The following EDIL3 variants were observed in gnomAD, a reference collection of about 807,000 sequenced individuals.
EDIL3 encodes EGF like and discoidin domains 3.
Under a neutral mutation model 67.4 loss-of-function variants are expected in EDIL3, and 37 were observed. The observed-to-expected ratio is 0.55, with a 90% CI of 0.42 to 0.72. EDIL3 has a LOEUF of 0.72. Among genes scored for constraint, EDIL3 ranks in the 30% least tolerant of loss-of-function variants. The pLI is 0.00. For missense variants in EDIL3, 527 were observed against 586.3 expected, an observed-to-expected ratio of 0.90 and a Z score of 1.04; for synonymous variants, 195 against 196.3, an observed-to-expected ratio of 0.99 and a Z score of 0.05.
rs1422775639 is a variant in EDIL3, at chr5:84,152,408, C to T, written c.356-15054G>A. The stretch of plus-strand genomic sequence containing the variant: ...ACAATTTCCATGGTATCCAATGAAC[C>T]TGATTAAAATAATGGGCTATCTCCA... On this transcript the variant is annotated intron_variant, in intron 4 of 10. Transcript: ENST00000296591. Among the ~76,000 whole-genome samples the T allele has an allele frequency of 2.0e-5, 3 of 151,968 alleles. No individual in the cohort carries two copies. In the East Asian group the frequency reaches 5.8e-4, roughly 29 times the overall value.
chr5:84,336,873 A>G (rs7720807), intron 1 of EDIL3, among the ~76,000 whole-genome samples: 29,817 of 151,996 alleles, frequency 0.2, 3,058 homozygotes, highest in Admixed American at 0.23. Flanking sequence ...ACTCTGAGAC[A>G]AATTTTTAAA....
intron 5 of EDIL3, 137 bp downstream of exon 5, chr5:84,137,104 A>G: frequency 1.6e-6 from 1 of 615,186 alleles, no homozygotes; most frequent in South Asian, 2.7e-5. Context: ...AATAATATTG[A>G]TTTTGGCCCA....
Position 83,954,234 on chromosome 5 carries a change from G to A in EDIL3, c.1293+8971C>T, listed in dbSNP as rs115192688. On this transcript the variant is annotated intron_variant, in intron 10 of 10. Coordinates refer to ENST00000296591, the MANE Select transcript of EDIL3 (RefSeq NM_005711.5). ...TAAACAATCAAAATATTAGTTGTTT[G>A]GTGATTATTTAGAAATAAAATGGGT... Among the ~76,000 whole-genome samples the A allele has an allele frequency of 9.5e-3, 1,439 of 151,638 alleles. 5 individuals are homozygous for A. Among genetic ancestry groups the A allele is most frequent in the Middle Eastern group, 0.024 (7 of 292 alleles).
chr5:83,942,559 GTTC>G lies in EDIL3; in HGVS notation c.*857_*859del, dbSNP rs1457377502. ...ATTTAAAGAGACATATATATTTTTT[GTTC>G]TTTTGTGCAAACTGAGAGTATGGGA... is the stretch of plus-strand genomic sequence containing the variant. On this transcript the variant is annotated 3_prime_UTR_variant, in exon 11 of 11. Transcript: ENST00000296591. 6.6e-6 allele frequency: 1 copy of G among 151,846 alleles called. No homozygotes were observed. 9.4% of individuals were successfully genotyped at this position (151,846 alleles called of 1,614,324 possible). A position where few individuals can be genotyped will look rare whatever the true frequency, so the allele number is the denominator to read the frequency against.
chr5:83,946,184 G>C (rs1321396672), intron 10 of EDIL3, among the ~76,000 whole-genome samples: 1 of 151,978 alleles, frequency 6.6e-6, no homozygotes, highest in African/African-American at 2.4e-5. Flanking sequence ...TGAAAAGACT[G>C]ATAGAGAACA....
intron 1 of EDIL3, among the ~76,000 whole-genome samples, chr5:84,271,653 C>A (rs1376291338): frequency 6.6e-6 from 1 of 151,988 alleles, no homozygotes; most frequent in Non-Finnish European, 1.5e-5. Context: ...TCACTTAAAA[C>A]CCCTTATCAA....
chr5:84,091,377 A>G (rs1486016651), intron 6 of EDIL3, among the ~76,000 whole-genome samples: 2 of 152,234 alleles, frequency 1.3e-5, no homozygotes, highest in Non-Finnish European at 2.9e-5. Context: ...CACTACGGAC[A>G]ATGAAACTAA....
intron 9 of EDIL3, among the ~76,000 whole-genome samples, chr5:84,032,333 T>C (rs938933035): frequency 6.6e-6 from 1 of 152,196 alleles, no homozygotes; most frequent in Admixed American, 6.5e-5. Flanking sequence ...CATTTTAAAA[T>C]TAAAACTATT....
intron 1 of EDIL3, among the ~76,000 whole-genome samples, chr5:84,368,454 A>C (rs1747783260): frequency 1.3e-5 from 2 of 152,172 alleles, no homozygotes; most frequent in African/African-American, 4.8e-5. Context: ...TTGAGCACTT[A>C]CCTACATCGT....
intron 3 of EDIL3, among the ~76,000 whole-genome samples, chr5:84,192,983 G>A (rs1457666884): frequency 6.6e-6 from 1 of 151,948 alleles, no homozygotes; most frequent in Non-Finnish European, 1.5e-5. Context: ...TGTAGAAGGA[G>A]AAGGAGGGCA....
At position 84,115,472 on chromosome 5, in the gene EDIL3, C is replaced by T. The variant is rs147204874; in HGVS notation, c.470-8642G>A. On this transcript the variant is annotated intron_variant, in intron 5 of 10. Transcript: ENST00000296591. The stretch of plus-strand genomic sequence containing the variant: ...AAATTGATTTGTGAGCATATTGATG[C>T]AGAATAATGGTTATTATTTAAATAG... Among the ~76,000 whole-genome samples the T allele has an allele frequency of 1.1e-3, 174 of 152,150 alleles. 1 individual carries two copies. The highest frequency in any genetic ancestry group is 3.8e-3 in the African/African-American group (159 of 41,508).
intron 3 of EDIL3, among the ~76,000 whole-genome samples, chr5:84,195,526 T>G (rs771571122): frequency 2.0e-5 from 3 of 151,980 alleles, no homozygotes; most frequent in Non-Finnish European, 4.4e-5. Flanking sequence ...GGATTTAGGA[T>G]TGTATATTCA....
intron 3 of EDIL3, among the ~76,000 whole-genome samples, chr5:84,185,016 C>T (rs1349354212): frequency 6.6e-6 from 1 of 152,100 alleles, no homozygotes; most frequent in Non-Finnish European, 1.5e-5. Context: ...GAGTCCCTTG[C>T]ATGCATGCTA....
intron 1 of EDIL3, among the ~76,000 whole-genome samples, chr5:84,272,103 C>T (rs972319025): frequency 6.6e-6 from 1 of 152,060 alleles, no homozygotes; most frequent in African/African-American, 2.4e-5. Flanking sequence ...CTTAGGTTAG[C>T]CTTCATCGGC....
chr5:84,070,516 C>G (rs1440139209), intron 6 of EDIL3, among the ~76,000 whole-genome samples: 1 of 152,088 alleles, frequency 6.6e-6, no homozygotes, highest in Non-Finnish European at 1.5e-5. Context: ...GGGAACTTTT[C>G]CCGTTTCAAT....
At chr5:84,340,558 ATATATATATATATG>A (rs1305207844) in intron 1 of EDIL3, among the ~76,000 whole-genome samples, 30 of 138,338 alleles carry the variant, frequency 2.2e-4, no homozygotes, top group African/African-American at 7.8e-4. Flanking sequence ...ATATATATAT[ATATATATATATATG>A]TTAGTCTACA....
chr5:84,254,668 G>A (rs902614864), intron 1 of EDIL3, among the ~76,000 whole-genome samples: 1 of 152,168 alleles, frequency 6.6e-6, no homozygotes, highest in African/African-American at 2.4e-5. Flanking sequence ...CCAGTAGGTC[G>A]TTAACAGACT....
chr5:84,109,714 C>T (rs1002542841), intron 5 of EDIL3, among the ~76,000 whole-genome samples: 1 of 152,032 alleles, frequency 6.6e-6, no homozygotes, highest in Non-Finnish European at 1.5e-5. Context: ...AAATACCCCC[C>T]AAAAACCAAT....
intron 6 of EDIL3, among the ~76,000 whole-genome samples, chr5:84,090,862 C>T (rs1280036852): frequency 2.6e-5 from 4 of 151,504 alleles, no homozygotes; most frequent in Non-Finnish European, 4.4e-5. Context: ...GCAGGAGAAT[C>T]GCTTGAACCC....
Sources: gnomAD v4.1 joint callset for allele counts (sites outside exome capture counted in the v4.1 genomes callset) on GRCh38, gnomAD v4.1.1 for gene constraint, MANE v1.5 for transcripts, NCBI Gene and HGNC (gene_info 2026-07-23, HGNC 2026-07-21) for gene names.